KAZN: variants seen among roughly 807,000 people sequenced by gnomAD.
KAZN encodes the protein kazrin.
In KAZN, 40 loss-of-function variants were observed where a neutral mutation model predicts 87.4. The ratio of observed to expected loss-of-function variants is 0.46; its 90% confidence interval spans 0.36 to 0.60. The LOEUF (loss-of-function observed/expected upper bound fraction) is 0.60. Among genes scored for constraint, KAZN ranks in the 20% least tolerant of loss-of-function variants. The pLI, the probability that KAZN is intolerant of heterozygous loss-of-function variation, is 0.00. For synonymous variants in KAZN, 466 were observed against 458.3 expected (o/e 1.02, Z -0.22); for missense variants, 898 against 1,073.9 (o/e 0.84, Z 2.29).
chr1:14,782,502 C>A (rs1315587666), intron 1 of KAZN, among the ~76,000 whole-genome samples: 1 of 144,758 alleles, frequency 6.9e-6, no homozygotes, highest in Admixed American at 7.1e-5. Context: ...GAGCCAAGGC[C>A]GCGTCATTAC....
At chr1:14,508,799 A>G (rs1670750954) in intron 2 of KAZN, among the ~76,000 whole-genome samples, 1 of 152,212 alleles carries the variant, frequency 6.6e-6, no homozygotes, top group Admixed American at 6.5e-5. Flanking sequence ...CATAATAGTC[A>G]CCATGGTAAC....
At chr1:14,471,305 A>G (rs891186288) in intron 2 of KAZN, among the ~76,000 whole-genome samples, 2 of 152,214 alleles carry the variant, frequency 1.3e-5, no homozygotes, top group African/African-American at 4.8e-5. Context: ...AGACTTTTAT[A>G]TTAGAATATA....
At chr1:14,848,062 C>A (rs186669905) in intron 1 of KAZN, among the ~76,000 whole-genome samples, 1 of 152,190 alleles carries the variant, frequency 6.6e-6, no homozygotes, top group Non-Finnish European at 1.5e-5. Flanking sequence ...ATGTCACATA[C>A]GCATGAAAAA....
At chr1:13,992,105 A>G (rs911984968) in intron 1 of KAZN, among the ~76,000 whole-genome samples, 3 of 152,146 alleles carry the variant, frequency 2.0e-5, no homozygotes, top group East Asian at 1.9e-4. Flanking sequence ...CCCAGACTGG[A>G]TAAGTGTTCA....
intron 1 of KAZN, among the ~76,000 whole-genome samples, chr1:14,107,153 A>T (rs1170290194): frequency 7.2e-6 from 1 of 138,798 alleles, no homozygotes; most frequent in Admixed American, 7.2e-5. Flanking sequence ...TCTTGTCATC[A>T]TTTGGGATTT....
At chr1:14,559,772 A>G (rs924758044) in intron 2 of KAZN, among the ~76,000 whole-genome samples, 24 of 152,138 alleles carry the variant, frequency 1.6e-4, no homozygotes, top group African/African-American at 5.6e-4. Flanking sequence ...GAAGGAGTCA[A>G]AAGACCTGAA....
chr1:14,180,339 A>G lies in KAZN; in HGVS notation c.92-96A>G, dbSNP rs1646170438. ...GATACATGCCTGGCTTAGACCTTGT[A>G]TGTACACCCTTACTTTTCTCTTCAA... On this transcript the variant is annotated intron_variant, in intron 1 of 16. Coordinates refer to the KAZN transcript ENST00000636203. 8.3e-6 allele frequency: 9 copies of G among 1,089,264 alleles called. No individual in the cohort carries two copies. In the South Asian group the frequency reaches 1.3e-4, roughly 15 times the overall value. The allele number at this position is 1,089,264 out of a possible 1,614,324, so 67.5% of individuals were successfully genotyped here. A position where few individuals can be genotyped will look rare whatever the true frequency, so the allele number is the denominator to read the frequency against.
intron 1 of KAZN, among the ~76,000 whole-genome samples, chr1:13,915,154 T>A (rs539909946): frequency 2.0e-5 from 3 of 152,202 alleles, no homozygotes; most frequent in Non-Finnish European, 4.4e-5. Flanking sequence ...TGTATACACA[T>A]GCACACAGAC....
At chr1:14,085,195 T>C (rs993447925) in intron 1 of KAZN, among the ~76,000 whole-genome samples, 3 of 152,230 alleles carry the variant, frequency 2.0e-5, no homozygotes, top group Non-Finnish European at 2.9e-5. Context: ...AGAAACTATT[T>C]TGAACTCATT....
intron 2 of KAZN, among the ~76,000 whole-genome samples, chr1:14,584,087 C>A (rs146383980): frequency 1.3e-5 from 2 of 152,176 alleles, no homozygotes; most frequent in Non-Finnish European, 2.9e-5. Context: ...GATTCCTTCT[C>A]CTTCTGCTAA....
intron 2 of KAZN, among the ~76,000 whole-genome samples, chr1:15,001,154 G>A (rs1013610461): frequency 8.6e-5 from 13 of 151,956 alleles, no homozygotes; most frequent in African/African-American, 3.1e-4. Context: ...AGGTGGTGGT[G>A]CATTGCAGGT....
At chr1:13,916,620 T>C (rs1639863131) in intron 1 of KAZN, among the ~76,000 whole-genome samples, 1 of 152,160 alleles carries the variant, frequency 6.6e-6, no homozygotes, top group African/African-American at 2.4e-5. Flanking sequence ...TACAAATGTA[T>C]GTAAAATTAC....
chr1:14,490,117 C>T (rs1209703212), intron 2 of KAZN, among the ~76,000 whole-genome samples: 1 of 152,182 alleles, frequency 6.6e-6, no homozygotes, highest in African/African-American at 2.4e-5. Context: ...GACAGTTTGG[C>T]ATAAATGGCA....
In KAZN at chr1:14,029,822, G is replaced by C. The variant is rs368905465; in HGVS notation, c.91+136066G>C. 3.5e-4 allele frequency among the ~76,000 whole-genome samples: 53 copies of C among 152,068 alleles called. 2 individuals carry two copies. In the East Asian group the frequency reaches 9.4e-3, roughly 27 times the overall value. The stretch of plus-strand genomic sequence containing the variant: ...TTATTTCTGAGGGCTCTGTTCTGTT[G>C]CATTGATCTATATCTCTGTTTTGGT... On this transcript the variant is annotated intron_variant, in intron 1 of 16. Transcript: ENST00000636203.
chr1:13,937,207 C>T (rs984143693), intron 1 of KAZN, among the ~76,000 whole-genome samples: 7 of 152,012 alleles, frequency 4.6e-5, no homozygotes, highest in East Asian at 1.9e-4. Flanking sequence ...CCACCACACC[C>T]GGCTAATTTT....
At chr1:14,008,941 T>C (rs1184574212) in intron 1 of KAZN, among the ~76,000 whole-genome samples, 1 of 152,198 alleles carries the variant, frequency 6.6e-6, no homozygotes, top group African/African-American at 2.4e-5. Context: ...GGAAACTCTG[T>C]AGCCATTAAA....
In KAZN at chr1:15,093,765, G is replaced by A. The variant is rs1050277047; in HGVS notation, c.1223-415G>A. ...CTTTAGGGTAAATATCTCCAAGCTC[G>A]CCAGGAATTTCCTTGTGGGCAAAAT... On this transcript the variant is annotated intron_variant, in intron 8 of 14. Transcript: ENST00000376030. Among the ~76,000 whole-genome samples, 5 of 152,178 alleles carry A rather than the reference G, an allele frequency of 3.3e-5. No individual in the cohort carries two copies. The East Asian group carries it at 9.7e-4, about 29-fold the overall frequency.
At chr1:14,921,916 T>C (rs1270000171) in intron 1 of KAZN, among the ~76,000 whole-genome samples, 2 of 152,202 alleles carry the variant, frequency 1.3e-5, no homozygotes, top group Non-Finnish European at 2.9e-5. Flanking sequence ...TTCACCATAT[T>C]AGCCAGGCTG....
chr1:14,574,468 A>G (rs1675059215), intron 2 of KAZN, among the ~76,000 whole-genome samples: 1 of 152,168 alleles, frequency 6.6e-6, no homozygotes, highest in African/African-American at 2.4e-5. Flanking sequence ...GTAGTGAATA[A>G]GTCTCACAAG....
Sources: allele counts gnomAD v4.1 joint callset (sites outside exome capture counted in the v4.1 genomes callset), GRCh38; gene constraint gnomAD v4.1.1; transcripts MANE v1.5; gene names NCBI Gene and HGNC (gene_info 2026-07-23, HGNC 2026-07-21).